Variants in ERLIN2 observed in about 807,000 individuals in gnomAD.
ERLIN2 encodes ER lipid raft associated 2, also known as erlin-2.
ERLIN2 carries 22 observed loss-of-function variants against 41.5 expected under a neutral mutation model. The observed-to-expected ratio is 0.53, with a 90% confidence interval of 0.38 to 0.76. ERLIN2 has a LOEUF of 0.76. Among genes scored for constraint, ERLIN2 ranks in the 30% least tolerant of loss-of-function variants. The pLI is 0.00. For missense variants in ERLIN2, 247 were observed against 414.3 expected, an observed-to-expected ratio of 0.60 and a Z score of 3.51; for synonymous variants, 149 against 150.9, an observed-to-expected ratio of 0.99 and a Z score of 0.09.
chr8:37,745,684 G>T (rs988660129), intron 6 of ERLIN2: 2 of 1,608,098 alleles, frequency 1.2e-6, no homozygotes, highest in Non-Finnish European at 1.7e-6. Context: ...TAAGCAAACC[G>T]CCTTTTGCAC....
chr8:37,737,773 T>G (rs1332100104), intron 1 of ERLIN2, 135 bp from the exon 2 acceptor site: 6 of 974,990 alleles, frequency 6.2e-6, no homozygotes, highest in Non-Finnish European at 9.4e-6. Flanking sequence ...GTTGTAGATC[T>G]AGCCTTGTGT....
chr8:37,749,708 G>A, intron 7 of ERLIN2, 76 bp downstream of exon 7: 1 of 1,557,440 alleles, frequency 6.4e-7, no homozygotes, highest in African/African-American at 1.4e-5. Flanking sequence ...TCCTTTTTGT[G>A]CAGGAAGATC....
chr8:37,747,493 G>A (rs757928809), intron 6 of ERLIN2: 17 of 1,611,752 alleles, frequency 1.1e-5, no homozygotes, highest in Non-Finnish European at 1.4e-5. Context: ...AACTTCCCTA[G>A]CCTCAATCTC....
At chr8:37,747,958 T>C (rs1435402528) in intron 6 of ERLIN2, 1 of 1,614,182 alleles carries the variant, frequency 6.2e-7, no homozygotes, top group East Asian at 2.2e-5. Context: ...TTCCTCCCGG[T>C]CCCGAGTGTC....
chr8:37,742,842 G>A (rs1371813158), intron 4 of ERLIN2, among the ~76,000 whole-genome samples: 2 of 152,000 alleles, frequency 1.3e-5, no homozygotes, highest in Admixed American at 6.6e-5. Flanking sequence ...AAATTTTAAC[G>A]TTAAAAACAA....
intron 4 of ERLIN2, among the ~76,000 whole-genome samples, chr8:37,743,350 G>A (rs1014772752): frequency 3.3e-5 from 5 of 152,204 alleles, no homozygotes; most frequent in Admixed American, 2.6e-4. Context: ...CCGGGTAACA[G>A]CAGGGGTAGT....
At position 37,741,144 on chromosome 8, in the gene ERLIN2, G is replaced by A. The variant is rs1802838448; in HGVS notation, c.190-628G>A. Among the ~76,000 whole-genome samples the A allele has an allele frequency of 6.6e-6, 1 of 152,092 alleles. No homozygotes were observed. The highest frequency in any genetic ancestry group is 2.4e-5 in the African/African-American group (1 of 41,404). On this transcript the variant is annotated intron_variant, in intron 3 of 11. Coordinates refer to ENST00000519638, the MANE Select transcript of ERLIN2 (RefSeq NM_007175.8). The surrounding 1 kb of genome is among the most constrained non-coding windows in gnomAD (Gnocchi z 4.8). ...GCTAGGGTCTGAGACAGGTTAAATA[G>A]GTAATCTGCTGTTTCAAAACTAGTA...
At chr8:37,740,139 TCTC>T (rs1384870577) in intron 2 of ERLIN2, among the ~76,000 whole-genome samples, 1 of 152,170 alleles carries the variant, frequency 6.6e-6, no homozygotes, top group Non-Finnish European at 1.5e-5. Flanking sequence ...TGCCTATTTT[TCTC>T]CTTGCAAAAG....
In ERLIN2 at chr8:37,744,420, C is replaced by T. The variant is rs535964748; in HGVS notation, c.298+4C>T. On this transcript the variant is annotated splice_donor_region_variant and intron_variant, in intron 5 of 11. Transcript: ENST00000519638. ...AACTTCCTGGTCCCGAACGCAGGTACGTCTTAACAGTTTATTCCCACCACC... is the reference window on the plus strand; with the variant it reads ...AACTTCCTGGTCCCGAACGCAGGTATGTCTTAACAGTTTATTCCCACCACC... 9 of 1,613,462 alleles carry T rather than the reference C, an allele frequency of 5.6e-6. No individual in the cohort carries two copies. Among genetic ancestry groups the T allele is most frequent in the East Asian group, 2.2e-5 (1 of 44,872 alleles).
rs528363730 is a variant in ERLIN2 at position 37,751,663 on chromosome 8, C to T, written c.687C>T (p.Tyr229=). ...EKVAQVAEIT[Y]GQKVMEKETE... ...TGGCCCAGGTGGCTGAGATCACCTA[C>T]GGGCAGAAGGTGATGGAGAAGGAGA... Residue 229 remains tyrosine (Y), a synonymous_variant, in exon 10 of 12, where the codon TAC becomes TAT. Transcript: ENST00000519638. 1.3e-5 allele frequency: 21 copies of T among 1,613,900 alleles called. No individual in the cohort carries two copies. Among genetic ancestry groups the T allele is most frequent in the South Asian group, 3.3e-5 (3 of 91,082 alleles).
intron 4 of ERLIN2, among the ~76,000 whole-genome samples, chr8:37,742,129 G>C (rs1027404057): frequency 6.6e-6 from 1 of 151,972 alleles, no homozygotes; most frequent in Non-Finnish European, 1.5e-5. Flanking sequence ...GGATCATGAG[G>C]TCAGGATATC....
chr8:37,748,700 C>T (rs750862764), intron 6 of ERLIN2, among the ~76,000 whole-genome samples: 3 of 152,184 alleles, frequency 2.0e-5, no homozygotes, highest in Non-Finnish European at 4.4e-5. Flanking sequence ...TGTACAAGTC[C>T]CAGCCTGATT....
Position 37,754,186 on chromosome 8 carries a change from T to C in ERLIN2, c.*71T>C. ...TTTTTAAGATGAATCAGAATGTTCC[T>C]CCCTCCCCGACTACCTTCTCTGACT... On this transcript the variant is annotated 3_prime_UTR_variant, in exon 12 of 12. Coordinates refer to ENST00000519638, the MANE Select transcript of ERLIN2 (RefSeq NM_007175.8). The C allele has an allele frequency of 8.9e-7, 1 of 1,128,702 alleles. No homozygotes were observed. Among genetic ancestry groups the C allele is most frequent in the East Asian group, 2.5e-5 (1 of 39,432 alleles). 69.9% of individuals were successfully genotyped at this position (1,128,702 alleles called of 1,614,324 possible). A position where few individuals can be genotyped will look rare whatever the true frequency, so the allele number is the denominator to read the frequency against.
Position 37,737,935 on chromosome 8 carries a change from G to A in ERLIN2, c.13G>A (p.Gly5Arg), listed in dbSNP as rs1247601517. The A allele has an allele frequency of 6.8e-6, 11 of 1,614,060 alleles. No homozygotes were observed. Among genetic ancestry groups the A allele is most frequent in the Non-Finnish European group, 8.5e-6 (10 of 1,180,038 alleles). The part of the protein sequence containing the change: MAQL[G>R]AVVAVASSFF... The stretch of plus-strand genomic sequence containing the variant: ...TAAAGGCTCACTGATGGCTCAGTTG[G>A]GAGCAGTTGTGGCTGTGGCTTCCAG... The change falls in exon 2 of 12, where the codon GGA becomes AGA. Residue 5 changes from glycine to arginine, a missense_variant. Gly to Arg is a moderately radical substitution (Grantham distance 125). This residue lies in a region of ERLIN2 where 93 missense variants were observed against 139.0 expected (regional missense o/e 0.67). Transcript: ENST00000519638.
intron 6 of ERLIN2, 61 bp from the exon 7 acceptor site, chr8:37,749,498 C>T (rs999371091): frequency 1.0e-5 from 12 of 1,167,782 alleles, no homozygotes; most frequent in Non-Finnish European, 1.6e-5. Flanking sequence ...TTACCTCATC[C>T]TGCCCTCCCT....
intron 6 of ERLIN2, among the ~76,000 whole-genome samples, chr8:37,747,099 C>G (rs777461914): frequency 3.4e-5 from 5 of 146,292 alleles, no homozygotes; most frequent in African/African-American, 5.1e-5. Context: ...ATCAAATGGA[C>G]AAAAAATAGT....
At chr8:37,750,593 C>T in intron 9 of ERLIN2, 107 bp downstream of exon 9, 1 of 891,798 alleles carries the variant, frequency 1.1e-6, no homozygotes, top group Non-Finnish European at 1.9e-6. Flanking sequence ...CTCCAAACCA[C>T]TTCCACAGCA....
At chr8:37,743,402 T>C (rs1802923637) in intron 4 of ERLIN2, among the ~76,000 whole-genome samples, 1 of 152,204 alleles carries the variant, frequency 6.6e-6, no homozygotes, top group African/African-American at 2.4e-5. Context: ...TGACCACCTT[T>C]TTGTCACATC....
chr8:37,747,069 A>G (rs1803076115), intron 6 of ERLIN2, among the ~76,000 whole-genome samples: 1 of 152,250 alleles, frequency 6.6e-6, no homozygotes, highest in Non-Finnish European at 1.5e-5. Context: ...TAAAGTTTCT[A>G]CACAGCTGAA....
Sources: allele counts gnomAD v4.1 joint callset (sites outside exome capture counted in the v4.1 genomes callset), GRCh38; gene constraint gnomAD v4.1.1; regional missense constraint gnomAD v4.1.1; non-coding constraint Gnocchi (gnomAD v3.1); transcripts MANE v1.5; gene names NCBI Gene and HGNC (gene_info 2026-07-23, HGNC 2026-07-21).